The following RABGAP1L variants were observed in gnomAD, a reference collection of about 807,000 sequenced individuals.
The protein encoded by RABGAP1L is rab GTPase-activating protein 1-like.
Under a neutral mutation model 137.7 loss-of-function variants are expected in RABGAP1L, and 63 were observed. The ratio of observed to expected loss-of-function variants is 0.46; its 90% CI spans 0.37 to 0.56. The LOEUF (loss-of-function observed/expected upper bound fraction) is 0.56. RABGAP1L is among the 20% of genes least tolerant of loss of function. The pLI, the probability that RABGAP1L is intolerant of heterozygous loss-of-function variation, is 0.00. For synonymous variants in RABGAP1L, 431 were observed against 433.7 expected (o/e 0.99, Z 0.08); for missense variants, 1,095 against 1,244.0 (o/e 0.88, Z 1.80).
At chr1:174,955,421 G>A (rs1668368208) in intron 19 of RABGAP1L, among the ~76,000 whole-genome samples, 6 of 152,130 alleles carry the variant, frequency 3.9e-5, no homozygotes, top group Admixed American at 3.9e-4. Context: ...AGAATAAGAT[G>A]GGGAATGACA....
At chr1:174,295,474 C>T (rs1426833255) in intron 10 of RABGAP1L, among the ~76,000 whole-genome samples, 2 of 152,014 alleles carry the variant, frequency 1.3e-5, no homozygotes, top group African/African-American at 4.8e-5. Flanking sequence ...ACCTCCTCCT[C>T]ATGGGTTCAA....
intron 10 of RABGAP1L, among the ~76,000 whole-genome samples, chr1:174,281,699 C>T (rs1004941517): frequency 2.6e-5 from 4 of 152,174 alleles, no homozygotes; most frequent in Non-Finnish European, 1.5e-5. Flanking sequence ...CTTTGGAGTC[C>T]ACGTTCAGAG....
intron 13 of RABGAP1L, chr1:174,548,075 A>G (rs1301403295): frequency 6.5e-7 from 1 of 1,548,828 alleles, no homozygotes; most frequent in Non-Finnish European, 8.7e-7. Flanking sequence ...TGCTCTTGGC[A>G]GCTTAGCATG....
At chr1:174,404,778 G>A (rs1187518486) in intron 13 of RABGAP1L, among the ~76,000 whole-genome samples, 1 of 152,114 alleles carries the variant, frequency 6.6e-6, no homozygotes, top group Non-Finnish European at 1.5e-5. Flanking sequence ...ACTCCAGAGA[G>A]CATTTGTTTA....
intron 13 of RABGAP1L, among the ~76,000 whole-genome samples, chr1:174,542,768 T>G (rs754895914): frequency 3.3e-5 from 5 of 152,230 alleles, no homozygotes; most frequent in Non-Finnish European, 5.9e-5. Context: ...GCTTTAAATG[T>G]GTCCCAGAGA....
At chr1:174,310,076 A>T (rs959648297) in intron 11 of RABGAP1L, among the ~76,000 whole-genome samples, 4 of 152,030 alleles carry the variant, frequency 2.6e-5, no homozygotes, top group African/African-American at 7.2e-5. Context: ...CTATTTCTTG[A>T]TAATTCAATC....
intron 17 of RABGAP1L, among the ~76,000 whole-genome samples, chr1:174,750,401 TAGTC>T (rs1684255907): frequency 6.6e-6 from 1 of 152,176 alleles, no homozygotes; most frequent in Admixed American, 6.5e-5. Flanking sequence ...GGTCCCAGCT[TAGTC>T]AGTTGGAGGG....
intron 6 of RABGAP1L, among the ~76,000 whole-genome samples, chr1:174,252,275 T>C (rs1049367284): frequency 6.6e-6 from 1 of 152,174 alleles, no homozygotes; most frequent in African/African-American, 2.4e-5. Context: ...ATTTAGAAAT[T>C]AATAATGACT....
chr1:174,780,578 T>A (rs1053818341), intron 18 of RABGAP1L, among the ~76,000 whole-genome samples: 29 of 151,970 alleles, frequency 1.9e-4, no homozygotes, highest in Admixed American at 7.2e-4. Flanking sequence ...ATATATATAT[T>A]TTTATTATAC....
chr1:174,565,508 T>A (rs1387808550), intron 13 of RABGAP1L, among the ~76,000 whole-genome samples: 1 of 152,168 alleles, frequency 6.6e-6, no homozygotes, highest in Non-Finnish European at 1.5e-5. Context: ...TTATGACCCC[T>A]GTCTGTAGCT....
At chr1:174,816,215 C>T (rs975339837) in intron 19 of RABGAP1L, among the ~76,000 whole-genome samples, 4 of 133,320 alleles carry the variant, frequency 3.0e-5, no homozygotes, top group Non-Finnish European at 4.6e-5. Context: ...TGCAATGGTG[C>T]CATCTCAGCT....
intron 19 of RABGAP1L, among the ~76,000 whole-genome samples, chr1:174,915,005 A>G (rs1358700651): frequency 6.6e-6 from 1 of 152,298 alleles, no homozygotes; most frequent in Non-Finnish European, 1.5e-5. Flanking sequence ...TTGTTGCATA[A>G]TAGTAGCTTG....
At chr1:174,886,679 C>G (rs772293307) in intron 19 of RABGAP1L, among the ~76,000 whole-genome samples, 13 of 152,240 alleles carry the variant, frequency 8.5e-5, no homozygotes, top group Admixed American at 2.6e-4. Flanking sequence ...AATCCATATG[C>G]CTTCTAGTTT....
At chr1:174,560,360 A>T (rs1423219825) in intron 13 of RABGAP1L, among the ~76,000 whole-genome samples, 3 of 152,108 alleles carry the variant, frequency 2.0e-5, no homozygotes, top group African/African-American at 7.2e-5. Flanking sequence ...CATCAAAGTT[A>T]TGCAACTGGT....
chr1:174,445,588 G>C lies in RABGAP1L; in HGVS notation c.1710+51443G>C, dbSNP rs1654651895. On this transcript the variant is annotated intron_variant, in intron 13 of 25. Transcript: ENST00000681986. ...TTGTGGGGGTGATGGGGATTGGAGA[G>C]ATTAGTAAATGATTTCTAAGTTCTG... Among the ~76,000 whole-genome samples, 2 of 152,088 alleles carry C rather than the reference G, an allele frequency of 1.3e-5. 1 individual carries two copies. The highest frequency in any genetic ancestry group is 4.8e-5 in the African/African-American group (2 of 41,424).
At chr1:174,397,526 A>G (rs1648016251) in intron 13 of RABGAP1L, among the ~76,000 whole-genome samples, 1 of 152,164 alleles carries the variant, frequency 6.6e-6, no homozygotes. Flanking sequence ...CTGCTACAGC[A>G]GGATGTTCAG....
At chr1:174,358,533 G>A (rs1209317742) in intron 11 of RABGAP1L, among the ~76,000 whole-genome samples, 2 of 152,204 alleles carry the variant, frequency 1.3e-5, no homozygotes, top group Admixed American at 6.5e-5. Context: ...ATTGTAGAAA[G>A]GGAGGGCCTG....
intron 19 of RABGAP1L, among the ~76,000 whole-genome samples, chr1:174,948,286 T>C (rs747031741): frequency 6.6e-6 from 1 of 151,966 alleles, no homozygotes; most frequent in Admixed American, 6.6e-5. Context: ...TTTGGGAGGC[T>C]GAGGAGGTCA....
At chr1:174,500,949 T>C (rs1272356267) in intron 13 of RABGAP1L, among the ~76,000 whole-genome samples, 1 of 152,202 alleles carries the variant, frequency 6.6e-6, no homozygotes, top group African/African-American at 2.4e-5. Flanking sequence ...CAAGTTGCTT[T>C]TTTTGTCATT....
Sources: gnomAD v4.1 joint callset for allele counts (sites outside exome capture counted in the v4.1 genomes callset) on GRCh38, gnomAD v4.1.1 for gene constraint, MANE v1.5 for transcripts, NCBI Gene and HGNC (gene_info 2026-07-23, HGNC 2026-07-21) for gene names.